The following KCNK13 variants were observed in gnomAD, a reference collection of about 807,000 sequenced individuals.
KCNK13 encodes the protein potassium two pore domain channel subfamily K member 13.
In KCNK13, 12 loss-of-function variants were observed where a neutral mutation model predicts 23.4. The ratio of observed to expected loss-of-function variants is 0.51; its 90% CI spans 0.33 to 0.83. KCNK13 has a LOEUF of 0.83. KCNK13 is among the 40% of genes least tolerant of loss of function. The pLI is 0.02. For missense variants in KCNK13, 463 were observed against 556.3 expected (o/e 0.83, Z 1.69); for synonymous variants, 231 against 229.5 (o/e 1.01, Z -0.06).
chr14:90,064,604 C>T (rs370460799), intron 1 of KCNK13, among the ~76,000 whole-genome samples: 3 of 152,252 alleles, frequency 2.0e-5, no homozygotes, highest in Non-Finnish European at 4.4e-5. Context: ...CTACAGAGTG[C>T]CCACCTTGGT....
intron 1 of KCNK13, among the ~76,000 whole-genome samples, chr14:90,169,763 CT>C (rs920874962): frequency 2.6e-5 from 4 of 152,080 alleles, no homozygotes; most frequent in African/African-American, 9.7e-5. Context: ...CTCTCCTTAC[CT>C]TAAGTTTCTT....
chr14:90,154,528 C>T (rs539675957), intron 1 of KCNK13, among the ~76,000 whole-genome samples: 112 of 152,342 alleles, frequency 7.4e-4, no homozygotes, highest in African/African-American at 2.6e-3. Context: ...AGCATGTGCT[C>T]TACTAGCCTA....
At chr14:90,072,901 A>G (rs189066271) in intron 1 of KCNK13, among the ~76,000 whole-genome samples, 1 of 152,252 alleles carries the variant, frequency 6.6e-6, no homozygotes, top group East Asian at 1.9e-4. Flanking sequence ...GGATTTCACC[A>G]TGGTTAAACA....
At chr14:90,111,278 T>G (rs1251066898) in intron 1 of KCNK13, among the ~76,000 whole-genome samples, 1 of 152,186 alleles carries the variant, frequency 6.6e-6, no homozygotes, top group Non-Finnish European at 1.5e-5. Context: ...GGCCACCCAC[T>G]GAGGTTCTGG....
At chr14:90,130,121 A>T (rs960335756) in intron 1 of KCNK13, among the ~76,000 whole-genome samples, 6 of 152,194 alleles carry the variant, frequency 3.9e-5, no homozygotes, top group Non-Finnish European at 7.3e-5. Flanking sequence ...CTTGTGACAG[A>T]TAAGATGATC....
At chr14:90,092,772 G>C (rs1385245909) in intron 1 of KCNK13, among the ~76,000 whole-genome samples, 1 of 151,918 alleles carries the variant, frequency 6.6e-6, no homozygotes. Flanking sequence ...AATTAGCTGG[G>C]CCTGATGGTG....
At chr14:90,136,486 A>G (rs116504996) in intron 1 of KCNK13, among the ~76,000 whole-genome samples, 273 of 151,972 alleles carry the variant, frequency 1.8e-3, no homozygotes, top group African/African-American at 6.4e-3. Context: ...CAGGGACACA[A>G]GTGAATTGAT....
chr14:90,086,296 A>C lies in KCNK13; in HGVS notation c.334+23757A>C, dbSNP rs573250397. Among the ~76,000 whole-genome samples the C allele has an allele frequency of 2.0e-5, 3 of 152,310 alleles. No individual in the cohort carries two copies. The East Asian group carries it at 5.8e-4, about 29-fold the overall frequency. On this transcript the variant is annotated intron_variant, in intron 1 of 1. Transcript: ENST00000282146. ...ACTATACAAAGAGCTCTACATAGAT[A>C]AACTTTCATCCTATGGGGTAGGACT...
intron 1 of KCNK13, among the ~76,000 whole-genome samples, chr14:90,136,612 A>G (rs1319452631): frequency 6.6e-6 from 1 of 152,212 alleles, no homozygotes; most frequent in Non-Finnish European, 1.5e-5. Flanking sequence ...GACAGCACAC[A>G]GCATTGTGTA....
intron 1 of KCNK13, among the ~76,000 whole-genome samples, chr14:90,093,353 T>C (rs935828149): frequency 4.6e-5 from 7 of 152,220 alleles, no homozygotes; most frequent in Non-Finnish European, 1.0e-4. Flanking sequence ...TCTCCCAGCA[T>C]TGATGAAGAA....
At chr14:90,156,462 G>A (rs968146845) in intron 1 of KCNK13, among the ~76,000 whole-genome samples, 2 of 151,714 alleles carry the variant, frequency 1.3e-5, no homozygotes, top group Non-Finnish European at 2.9e-5. Context: ...AATTTAGTAT[G>A]CCAAAGGAGA....
chr14:90,153,255 G>A (rs1890156994), intron 1 of KCNK13, among the ~76,000 whole-genome samples: 1 of 152,186 alleles, frequency 6.6e-6, no homozygotes, highest in Non-Finnish European at 1.5e-5. Flanking sequence ...CCAAGAATAA[G>A]TAGGGCTTAG....
chr14:90,122,190 A>T (rs1460171952), intron 1 of KCNK13, among the ~76,000 whole-genome samples: 1 of 152,088 alleles, frequency 6.6e-6, no homozygotes, highest in Non-Finnish European at 1.5e-5. Flanking sequence ...TCAGTTATAT[A>T]TAATGCTATA....
In KCNK13 at chr14:90,185,395, C is replaced by T. The variant is rs1051995739; in HGVS notation, c.*392C>T. The T allele has an allele frequency of 3.1e-5, 5 of 163,904 alleles. No individual in the cohort carries two copies. Among genetic ancestry groups the T allele is most frequent in the African/African-American group, 9.6e-5 (4 of 41,868 alleles). The allele number at this position is 163,904 out of a possible 1,614,324, so 10.2% of individuals were successfully genotyped here. A position where few individuals can be genotyped will look rare whatever the true frequency, so the allele number is the denominator to read the frequency against. On this transcript the variant is annotated 3_prime_UTR_variant, in exon 2 of 2. Transcript: ENST00000282146. Reference sequence around the variant, plus strand: ...TATTTGGGAACAAAAATTGCGAAGACTCATCTTTCCCTAGAACTCTGAATG... The same window carrying T: ...TATTTGGGAACAAAAATTGCGAAGATTCATCTTTCCCTAGAACTCTGAATG...
intron 1 of KCNK13, among the ~76,000 whole-genome samples, chr14:90,068,316 C>T (rs1052434361): frequency 1.3e-5 from 2 of 151,874 alleles, no homozygotes; most frequent in African/African-American, 4.8e-5. Flanking sequence ...CGTGTTGGGC[C>T]CAGCGGGGTG....
At chr14:90,153,912 G>A (rs368177640) in intron 1 of KCNK13, among the ~76,000 whole-genome samples, 4 of 152,176 alleles carry the variant, frequency 2.6e-5, no homozygotes, top group Non-Finnish European at 5.9e-5. Context: ...CTTAGAGCAG[G>A]CCACCTAGCC....
intron 1 of KCNK13, among the ~76,000 whole-genome samples, chr14:90,136,167 TGAA>T (rs2140425440): frequency 6.6e-6 from 1 of 152,252 alleles, no homozygotes; most frequent in Admixed American, 6.5e-5. Flanking sequence ...AGCAGAAGGC[TGAA>T]CGTCAAGGAA....
At chr14:90,128,804 T>A (rs947142130) in intron 1 of KCNK13, among the ~76,000 whole-genome samples, 15 of 152,128 alleles carry the variant, frequency 9.9e-5, no homozygotes, top group Admixed American at 3.9e-4. Flanking sequence ...TCCCCTTTTT[T>A]AAAAATCTGA....
At chr14:90,102,225 G>A (rs1008544747) in intron 1 of KCNK13, among the ~76,000 whole-genome samples, 6 of 152,062 alleles carry the variant, frequency 3.9e-5, no homozygotes, top group Non-Finnish European at 8.8e-5. Context: ...CATTGAAATG[G>A]ACTCCTTCAG....
Sources: allele counts gnomAD v4.1 joint callset (sites outside exome capture counted in the v4.1 genomes callset), GRCh38; gene constraint gnomAD v4.1.1; transcripts MANE v1.5; gene names NCBI Gene and HGNC (gene_info 2026-07-23, HGNC 2026-07-21).